Variants in ROBO2 observed in about 807,000 individuals in gnomAD.
The protein encoded by ROBO2 is roundabout guidance receptor 2, also known as roundabout homolog 2.
A neutral mutation model predicts 160.8 loss-of-function variants in ROBO2; 53 were observed. The observed-to-expected ratio is 0.33, with a 90% CI of 0.26 to 0.41. The LOEUF is 0.41. Among genes scored for constraint, ROBO2 ranks in the 10% least tolerant of loss-of-function variants. The pLI is 1.00. For missense variants in ROBO2, 1,577 were observed against 1,722.4 expected, an observed-to-expected ratio of 0.92 and a Z score of 1.49; for synonymous variants, 664 against 611.7, an observed-to-expected ratio of 1.09 and a Z score of -1.26.
rs34034420 is a variant in ROBO2 at position 77,638,818 on chromosome 3, C to CTTTTTT, written c.3934+3795_3934+3800dup. ...CCAGCCTATTCTCCCTTTCACCTAG[C>CTTTTTT]TTTTTTTTTTTTTTTTTTTTTTTTT... On this transcript the variant is annotated intron_variant, in intron 24 of 25. Transcript: ENST00000461745. Among the ~76,000 whole-genome samples the CTTTTTT allele has an allele frequency of 1.9e-3, 97 of 51,258 alleles. 4 individuals carry two copies. The highest frequency in any genetic ancestry group is 3.8e-3 in the African/African-American group (47 of 12,282). The allele number at this position is 51,258 out of a possible 152,430, so 33.6% of individuals were successfully genotyped here.
chr3:76,409,889 G>A (rs2108824107), intron 2 of ROBO2, among the ~76,000 whole-genome samples: 1 of 152,218 alleles, frequency 6.6e-6, no homozygotes, highest in Admixed American at 6.5e-5. Flanking sequence ...ATATGATAGA[G>A]TACAGATCTA....
chr3:77,368,290 A>G (rs1341289535), intron 2 of ROBO2, among the ~76,000 whole-genome samples: 1 of 152,224 alleles, frequency 6.6e-6, no homozygotes, highest in East Asian at 1.9e-4. Context: ...AACCGAAGCT[A>G]TGCATCCAAG....
chr3:77,532,599 T>A (rs1316156090), intron 6 of ROBO2, among the ~76,000 whole-genome samples: 2 of 151,976 alleles, frequency 1.3e-5, no homozygotes, highest in African/African-American at 4.8e-5. Context: ...TTTATCAACT[T>A]CTCTATAATA....
chr3:77,003,303 G>C (rs549127204), intron 2 of ROBO2, among the ~76,000 whole-genome samples: 5 of 152,236 alleles, frequency 3.3e-5, no homozygotes, highest in Admixed American at 6.5e-5. Context: ...GAAGAATTCA[G>C]AATAGGCAAT....
chr3:75,985,538 TA>T (rs1223177309), intron 2 of ROBO2, among the ~76,000 whole-genome samples: 2 of 151,600 alleles, frequency 1.3e-5, no homozygotes, highest in Admixed American at 1.3e-4. Context: ...TTCAGCTGCA[TA>T]ACAATCTTAT....
rs2093953866 is a variant in ROBO2, at chr3:77,582,863, AGGCGCAGT to A, written c.2500+2749_2500+2756del. Among the ~76,000 whole-genome samples, 3 of 152,198 alleles carry A rather than the reference AGGCGCAGT, an allele frequency of 2.0e-5. No homozygotes were observed. The South Asian group carries it at 6.2e-4, about 32-fold the overall frequency. ...TGCTCCATAAATTCAGTCCCTGGTCAGGCGCAGTGGCTCACGTCTGTAATCCTAGCACT... is the reference window on the plus strand; with the variant it reads ...TGCTCCATAAATTCAGTCCCTGGTCAGGCTCACGTCTGTAATCCTAGCACT... On this transcript the variant is annotated intron_variant, in intron 16 of 25. Transcript: ENST00000461745.
At chr3:77,124,339 G>A (rs2075111328) in intron 2 of ROBO2, among the ~76,000 whole-genome samples, 1 of 152,128 alleles carries the variant, frequency 6.6e-6, no homozygotes, top group Non-Finnish European at 1.5e-5. Flanking sequence ...GGTGAAAGTA[G>A]ACATTTCAAG....
At chr3:77,354,673 G>A (rs187385205) in intron 2 of ROBO2, among the ~76,000 whole-genome samples, 4 of 152,102 alleles carry the variant, frequency 2.6e-5, no homozygotes, top group Non-Finnish European at 4.4e-5. Context: ...CCTGAGCATA[G>A]GTATTTTTTT....
intron 2 of ROBO2, among the ~76,000 whole-genome samples, chr3:76,696,785 C>T (rs1050890256): frequency 1.3e-5 from 2 of 152,114 alleles, no homozygotes; most frequent in Non-Finnish European, 2.9e-5. Flanking sequence ...CATAGCTTGC[C>T]GATTTCCACT....
At chr3:75,915,419 A>G (rs1271503213) in intron 1 of ROBO2, among the ~76,000 whole-genome samples, 3 of 152,334 alleles carry the variant, frequency 2.0e-5, no homozygotes, top group Non-Finnish European at 4.4e-5. Context: ...TTGTGACTAT[A>G]TGGAGAAATT....
intron 4 of ROBO2, among the ~76,000 whole-genome samples, chr3:77,488,378 T>C (rs537561759): frequency 5.9e-5 from 9 of 152,242 alleles, no homozygotes; most frequent in Non-Finnish European, 1.0e-4. Context: ...ATCTAATTGA[T>C]AAGCAGTCAG....
At chr3:76,446,543 T>G (rs13090054) in intron 2 of ROBO2, among the ~76,000 whole-genome samples, 52,388 of 151,924 alleles carry the variant, frequency 0.34, 9,189 homozygotes, top group East Asian at 0.43. Flanking sequence ...AAAACTACTT[T>G]AAAGTTCACG....
intron 2 of ROBO2, among the ~76,000 whole-genome samples, chr3:76,031,300 A>G (rs1365393417): frequency 6.6e-6 from 1 of 152,164 alleles, no homozygotes; most frequent in Non-Finnish European, 1.5e-5. Context: ...AAATCATGTC[A>G]TATGCAAACA....
At chr3:77,491,850 C>A (rs1004578268) in intron 4 of ROBO2, among the ~76,000 whole-genome samples, 4 of 152,194 alleles carry the variant, frequency 2.6e-5, no homozygotes, top group East Asian at 1.9e-4. Context: ...CTGTCAAATT[C>A]TCTGGAGATA....
chr3:77,467,040 A>G (rs185976511), intron 2 of ROBO2, among the ~76,000 whole-genome samples: 2 of 152,332 alleles, frequency 1.3e-5, no homozygotes, highest in African/African-American at 2.4e-5. Flanking sequence ...GTAAAAGCTA[A>G]TATCTTCAGA....
At chr3:77,032,905 T>C (rs2063407942) in intron 2 of ROBO2, among the ~76,000 whole-genome samples, 1 of 152,108 alleles carries the variant, frequency 6.6e-6, no homozygotes, top group African/African-American at 2.4e-5. Context: ...CCAACACAAC[T>C]GCAAGGAGGG....
intron 2 of ROBO2, among the ~76,000 whole-genome samples, chr3:77,360,060 T>A (rs909340741): frequency 3.3e-5 from 5 of 152,166 alleles, no homozygotes; most frequent in African/African-American, 1.2e-4. Flanking sequence ...AAATCTCTGC[T>A]GTGTTCCAGC....
intron 2 of ROBO2, among the ~76,000 whole-genome samples, chr3:76,642,970 A>G (rs1215416645): frequency 6.6e-6 from 1 of 152,204 alleles, no homozygotes; most frequent in Non-Finnish European, 1.5e-5. Flanking sequence ...CTAAAATGAG[A>G]TGGAAAATTA....
intron 2 of ROBO2, among the ~76,000 whole-genome samples, chr3:76,852,458 G>A (rs970771318): frequency 2.6e-5 from 4 of 152,154 alleles, no homozygotes; most frequent in Non-Finnish European, 2.9e-5. Context: ...TGTTCTAGCC[G>A]TGTGGTAATT....
Sources: allele counts gnomAD v4.1 joint callset (sites outside exome capture counted in the v4.1 genomes callset), GRCh38; gene constraint gnomAD v4.1.1; transcripts MANE v1.5; gene names NCBI Gene and HGNC (gene_info 2026-07-23, HGNC 2026-07-21).